Variants in COG5 observed in about 807,000 individuals in gnomAD.
COG5 encodes conserved oligomeric Golgi complex subunit 5.
A neutral mutation model predicts 110.4 loss-of-function variants in COG5; 86 were observed. That is an observed-to-expected ratio of 0.78 (90% confidence interval 0.65 to 0.93). The LOEUF (loss-of-function observed/expected upper bound fraction) is 0.93, where lower values mean the gene tolerates loss of function less well. Ranked by LOEUF, COG5 falls within the 40% of genes least tolerant of loss-of-function variation. The probability of loss-of-function intolerance (pLI) is 0.00; values close to 1 mark genes in which losing one functional copy is unlikely to be tolerated. For missense variants in COG5, 1,077 were observed against 987.0 expected (o/e 1.09, Z -1.22); for synonymous variants, 360 against 334.6 (o/e 1.08, Z -0.83).
intron 2 of COG5, among the ~76,000 whole-genome samples, chr7:107,555,413 CTT>C (rs1469913757): frequency 6.6e-6 from 1 of 152,178 alleles, no homozygotes; most frequent in Non-Finnish European, 1.5e-5. Context: ...AAATCCTCCA[CTT>C]TGTCTTGTTT....
intron 7 of COG5, among the ~76,000 whole-genome samples, chr7:107,393,275 C>T (rs1029278845): frequency 1.3e-5 from 2 of 152,166 alleles, no homozygotes; most frequent in South Asian, 2.1e-4. Flanking sequence ...TGTTTCCTTA[C>T]ATCCCCTACC....
intron 10 of COG5, among the ~76,000 whole-genome samples, chr7:107,349,804 C>G (rs1183780096): frequency 6.6e-6 from 1 of 152,220 alleles, no homozygotes; most frequent in East Asian, 1.9e-4. Flanking sequence ...GTGATCTGCC[C>G]GCCTTAGCCT....
intron 11 of COG5, among the ~76,000 whole-genome samples, chr7:107,307,975 CA>C (rs1479169993): frequency 1.3e-5 from 2 of 152,170 alleles, no homozygotes; most frequent in Non-Finnish European, 2.9e-5. Context: ...AATTAACAAT[CA>C]GTGGTGACAT....
At chr7:107,457,823 TG>T (rs1264105997) in intron 6 of COG5, among the ~76,000 whole-genome samples, 1 of 152,028 alleles carries the variant, frequency 6.6e-6, no homozygotes, top group African/African-American at 2.4e-5. Flanking sequence ...TCAAATTTGA[TG>T]AAAAAACAAA....
At chr7:107,224,201 CTTAGTG>C (rs1562920531) in intron 19 of COG5, among the ~76,000 whole-genome samples, 3 of 152,106 alleles carry the variant, frequency 2.0e-5, no homozygotes, top group Admixed American at 2.0e-4. Context: ...TCTGGAGGGT[CTTAGTG>C]TTAAAGGTGC....
chr7:107,308,420 G>GT (rs540044259), intron 11 of COG5, among the ~76,000 whole-genome samples: 167 of 152,210 alleles, frequency 1.1e-3, no homozygotes, highest in African/African-American at 3.8e-3. Flanking sequence ...CAGATTCCAG[G>GT]TTTTATCATT....
intron 5 of COG5, among the ~76,000 whole-genome samples, chr7:107,538,751 T>C (rs755488688): frequency 1.4e-4 from 19 of 137,156 alleles, no homozygotes; most frequent in Non-Finnish European, 2.3e-4. Flanking sequence ...TACCCAAGAA[T>C]TGAAAAAAAA....
At chr7:107,389,426 C>T (rs1790452250) in intron 7 of COG5, among the ~76,000 whole-genome samples, 1 of 152,202 alleles carries the variant, frequency 6.6e-6, no homozygotes, top group African/African-American at 2.4e-5. Context: ...CTGTGTATCT[C>T]TGCCCAAGCA....
At chr7:107,517,087 T>C (rs939259826) in intron 6 of COG5, among the ~76,000 whole-genome samples, 2 of 152,098 alleles carry the variant, frequency 1.3e-5, no homozygotes, top group Admixed American at 1.3e-4. Context: ...TCTAACCCAA[T>C]GCAAAGAAGC....
chr7:107,437,503 T>G (rs955482222), intron 6 of COG5, among the ~76,000 whole-genome samples: 1 of 152,176 alleles, frequency 6.6e-6, no homozygotes, highest in Non-Finnish European at 1.5e-5. Flanking sequence ...GGATGACTAT[T>G]ATCGAATAGC....
chr7:107,358,520 A>C (rs779948696), intron 10 of COG5, among the ~76,000 whole-genome samples: 1 of 152,210 alleles, frequency 6.6e-6, no homozygotes, highest in African/African-American at 2.4e-5. Context: ...AAGAGTTAAC[A>C]TAACAGGTCT....
chr7:107,393,968 AT>A (rs72462959), intron 7 of COG5, among the ~76,000 whole-genome samples: 23,302 of 148,298 alleles, frequency 0.16, 2,186 homozygotes, highest in Non-Finnish European at 0.22. Flanking sequence ...ATTTATTATT[AT>A]TTTTTTTTTT....
At chr7:107,254,886 A>T (rs1802767460) in intron 16 of COG5, among the ~76,000 whole-genome samples, 2 of 152,292 alleles carry the variant, frequency 1.3e-5, no homozygotes, top group South Asian at 2.1e-4. Flanking sequence ...AGGTCAAAAA[A>T]ATCATTTCAG....
intron 1 of COG5, among the ~76,000 whole-genome samples, chr7:107,560,279 T>C (rs548177411): frequency 2.0e-5 from 3 of 152,050 alleles, no homozygotes; most frequent in South Asian, 2.1e-4. Flanking sequence ...ACCCAAGAAA[T>C]AGAACCACAG....
chr7:107,208,839 A>G lies in COG5; in HGVS notation c.2375+1687T>C, dbSNP rs1798954533. The G allele has an allele frequency of 8.1e-6, 8 of 985,366 alleles. No individual in the cohort carries two copies. In the South Asian group the frequency reaches 1.9e-4, roughly 23 times the overall value. 61.0% of individuals were successfully genotyped at this position (985,366 alleles called of 1,614,324 possible). ...AGGGTCACTTCTGGAAACAAAGCTG[A>G]CAGGCTGATGGTTCTTACTGACCTG... is the stretch of plus-strand genomic sequence containing the variant. On this transcript the variant is annotated intron_variant, in intron 21 of 21. Transcript: ENST00000297135.
intron 1 of COG5, 39 bp downstream of exon 1, chr7:107,563,764 C>A: frequency 6.2e-7 from 1 of 1,609,414 alleles, no homozygotes; most frequent in Non-Finnish European, 8.5e-7. Flanking sequence ...GCAGCGCAGA[C>A]CCCCAACCCC....
chr7:107,554,947 G>A (rs960460868), intron 2 of COG5, among the ~76,000 whole-genome samples: 3 of 152,184 alleles, frequency 2.0e-5, no homozygotes, highest in East Asian at 3.9e-4. Flanking sequence ...GTGGAGTTGT[G>A]CCAAAAAATG....
intron 6 of COG5, among the ~76,000 whole-genome samples, chr7:107,476,252 C>G (rs951767103): frequency 1.4e-5 from 2 of 140,706 alleles, no homozygotes; most frequent in Non-Finnish European, 3.1e-5. Flanking sequence ...TTATTCAACT[C>G]AGCTCTTTTG....
chr7:107,454,728 G>A (rs1442328436), intron 6 of COG5, among the ~76,000 whole-genome samples: 2 of 152,102 alleles, frequency 1.3e-5, no homozygotes, highest in Non-Finnish European at 2.9e-5. Context: ...GAGAGCTGCT[G>A]GTTAGGACAG....
Sources: allele counts gnomAD v4.1 joint callset (sites outside exome capture counted in the v4.1 genomes callset), GRCh38; gene constraint gnomAD v4.1.1; transcripts MANE v1.5; gene names NCBI Gene and HGNC (gene_info 2026-07-23, HGNC 2026-07-21).